The following RAD21L1 variants were observed in gnomAD, a reference collection of about 807,000 sequenced individuals.
RAD21L1 encodes the protein RAD21 cohesin complex component like 1, also known as double-strand-break repair protein rad21-like protein 1.
A neutral mutation model predicts 69.0 loss-of-function variants in RAD21L1; 47 were observed. The observed-to-expected ratio is 0.68, with a 90% CI of 0.54 to 0.87. The LOEUF is 0.87. Among genes scored for constraint, RAD21L1 ranks in the 40% least tolerant of loss-of-function variants. The pLI, the probability that RAD21L1 is intolerant of heterozygous loss-of-function variation, is 0.00. For synonymous variants in RAD21L1, 177 were observed against 205.8 expected, an observed-to-expected ratio of 0.86 and a Z score of 1.20; for missense variants, 583 against 647.6, an observed-to-expected ratio of 0.90 and a Z score of 1.08.
chr20:1,233,098 TTC>T, intron 4 of RAD21L1, among the ~76,000 whole-genome samples: 1 of 152,302 alleles, frequency 6.6e-6, no homozygotes, highest in African/African-American at 2.4e-5. Flanking sequence ...AGCAATAAAT[TTC>T]TGTTGTTTAT....
intron 1 of RAD21L1, among the ~76,000 whole-genome samples, chr20:1,228,203 G>A (rs1339913072): frequency 6.6e-6 from 1 of 152,026 alleles, no homozygotes; most frequent in Non-Finnish European, 1.5e-5. Context: ...ATTTAAGCCC[G>A]GTGTAGAGGT....
At chr20:1,226,162 C>G in intron 1 of RAD21L1, 22 bp downstream of exon 1, 2 of 151,730 alleles carry the variant, frequency 1.3e-5, no homozygotes, top group African/African-American at 4.8e-5. Flanking sequence ...CCTGAGAGGC[C>G]GGCCGGACCC....
chr20:1,235,682 T>C (rs184983002), intron 5 of RAD21L1, among the ~76,000 whole-genome samples: 7 of 152,216 alleles, frequency 4.6e-5, no homozygotes, highest in Admixed American at 2.6e-4. Context: ...TTGCAACACA[T>C]TGGCAAAGAG....
chr20:1,239,207 G>A (rs183735007), intron 6 of RAD21L1, 105 bp from the exon 7 acceptor site: 7 of 642,180 alleles, frequency 1.1e-5, no homozygotes, highest in Admixed American at 2.9e-5. Context: ...TTAAAGATCT[G>A]GTTATTCCTT....
chr20:1,232,916 C>T (rs1156333161), intron 4 of RAD21L1, among the ~76,000 whole-genome samples: 1 of 152,086 alleles, frequency 6.6e-6, no homozygotes, highest in East Asian at 1.9e-4. Context: ...ATAAGGGCTC[C>T]ACCATCATAA....
intron 6 of RAD21L1, 134 bp from the exon 7 acceptor site, chr20:1,239,178 T>A (rs1260342040): frequency 5.3e-5 from 31 of 586,080 alleles, no homozygotes; most frequent in South Asian, 2.3e-4. Flanking sequence ...AAATCTTTTT[T>A]AAAATTCTCT....
intron 4 of RAD21L1, among the ~76,000 whole-genome samples, chr20:1,232,719 A>G (rs1313887941): frequency 6.6e-6 from 1 of 152,168 alleles, no homozygotes; most frequent in East Asian, 1.9e-4. Context: ...ACTGTTACAC[A>G]TCTGTTATGG....
intron 13 of RAD21L1, 61 bp from the exon 14 acceptor site, chr20:1,254,208 C>A: frequency 8.6e-7 from 1 of 1,165,356 alleles, no homozygotes; most frequent in Non-Finnish European, 1.2e-6. Context: ...CATTTATAGC[C>A]GGCTTTACTT....
At position 1,248,717 on chromosome 20, in the gene RAD21L1, G is replaced by A. The variant is rs1252401017; in HGVS notation, c.1479+14G>A. 1.4e-6 allele frequency: 2 copies of A among 1,419,130 alleles called. No homozygotes were observed. Among genetic ancestry groups the A allele is most frequent in the South Asian group, 2.7e-5 (2 of 74,322 alleles). The allele number at this position is 1,419,130 out of a possible 1,614,324, so 87.9% of individuals were successfully genotyped here. On this transcript the variant is annotated intron_variant, in intron 13 of 13. Transcript: ENST00000683101. ...AATCGTTTACGGGTGAGATGCTAGGGTTTGTCAACCCTGTTTTTATTTTAA... is the reference window on the plus strand; with the variant it reads ...AATCGTTTACGGGTGAGATGCTAGGATTTGTCAACCCTGTTTTTATTTTAA...
At chr20:1,251,833 T>C (rs2087839851) in intron 13 of RAD21L1, among the ~76,000 whole-genome samples, 1 of 152,204 alleles carries the variant, frequency 6.6e-6, no homozygotes, top group South Asian at 2.1e-4. Flanking sequence ...TTTATTTAAT[T>C]ATTCAATTAG....
chr20:1,247,139 A>G lies in RAD21L1; in HGVS notation c.1401+834A>G, dbSNP rs982721410. On this transcript the variant is annotated intron_variant, in intron 12 of 13. Coordinates refer to ENST00000683101, the MANE Select transcript of RAD21L1 (RefSeq NM_001384355.1). Reference sequence around the variant, plus strand: ...AGAAGTGGGTTAGTTCATTTTTGCTATTCGCTGTGCTTCTGTAGATGCAGG... The same window carrying G: ...AGAAGTGGGTTAGTTCATTTTTGCTGTTCGCTGTGCTTCTGTAGATGCAGG... Among the ~76,000 whole-genome samples, 19 of 152,162 alleles carry G rather than the reference A, an allele frequency of 1.2e-4. No homozygotes were observed. In the East Asian group the frequency reaches 3.5e-3, roughly 28 times the overall value.
intron 5 of RAD21L1, among the ~76,000 whole-genome samples, chr20:1,237,560 G>A (rs569916932): frequency 7.3e-4 from 108 of 147,718 alleles, no homozygotes; most frequent in Non-Finnish European, 1.4e-3. Flanking sequence ...TAGCATATTC[G>A]ATATTTATTG....
At chr20:1,250,306 A>G (rs1156249047) in intron 13 of RAD21L1, among the ~76,000 whole-genome samples, 1 of 149,068 alleles carries the variant, frequency 6.7e-6, no homozygotes, top group Non-Finnish European at 1.5e-5. Flanking sequence ...CACAACGTGC[A>G]GGTTTGTTAC....
chr20:1,241,398 A>G (rs2087604535), intron 8 of RAD21L1, among the ~76,000 whole-genome samples: 1 of 152,270 alleles, frequency 6.6e-6, no homozygotes, highest in African/African-American at 2.4e-5. Context: ...TGTAACTACT[A>G]GTCTAATATA....
intron 10 of RAD21L1, among the ~76,000 whole-genome samples, 195 bp from the exon 11 acceptor site, chr20:1,243,851 G>C (rs774682243): frequency 6.6e-6 from 1 of 152,114 alleles, no homozygotes; most frequent in Non-Finnish European, 1.5e-5. Context: ...GGGGAGTGGA[G>C]GTGATAGAGA....
intron 13 of RAD21L1, among the ~76,000 whole-genome samples, chr20:1,252,521 T>A (rs544247499): frequency 6.6e-6 from 1 of 152,022 alleles, no homozygotes; most frequent in African/African-American, 2.4e-5. Context: ...CTGTTCAGAG[T>A]GTAGAATTTC....
At chr20:1,252,194 C>G (rs2087847371) in intron 13 of RAD21L1, among the ~76,000 whole-genome samples, 3 of 152,080 alleles carry the variant, frequency 2.0e-5, no homozygotes, top group Admixed American at 2.0e-4. Context: ...TTCCTTTTTG[C>G]TCTTTAATAT....
chr20:1,228,715 C>T, intron 2 of RAD21L1, 118 bp downstream of exon 2: 1 of 748,780 alleles, frequency 1.3e-6, no homozygotes, highest in Non-Finnish European at 2.1e-6. Flanking sequence ...GTCAAATGGT[C>T]TTTCCTTTAA....
At chr20:1,243,980 A>C in intron 10 of RAD21L1, 66 bp from the exon 11 acceptor site, 1 of 1,394,148 alleles carries the variant, frequency 7.2e-7, no homozygotes, top group Non-Finnish European at 9.8e-7. Context: ...TTTTGTTACA[A>C]CCATATCACA....
Sources: gnomAD v4.1 joint callset for allele counts (sites outside exome capture counted in the v4.1 genomes callset) on GRCh38, gnomAD v4.1.1 for gene constraint, MANE v1.5 for transcripts, NCBI Gene and HGNC (gene_info 2026-07-23, HGNC 2026-07-21) for gene names.